Variants in SDK1 observed in about 807,000 individuals in gnomAD.
SDK1 encodes protein sidekick-1.
Under a neutral mutation model 245.5 loss-of-function variants are expected in SDK1, and 157 were observed. That is an observed-to-expected ratio of 0.64 (90% confidence interval 0.56 to 0.73). The LOEUF (loss-of-function observed/expected upper bound fraction) is 0.73, where lower values mean the gene tolerates loss of function less well. Among genes scored for constraint, SDK1 ranks in the 30% least tolerant of loss-of-function variants. The pLI, the probability that SDK1 is intolerant of heterozygous loss-of-function variation, is 0.00. For missense variants in SDK1, 3,583 were observed against 3,002.3 expected (o/e 1.19, Z -4.52); for synonymous variants, 1,647 against 1,278.5 (o/e 1.29, Z -6.15).
At chr7:3,662,451 G>A (rs1783395699) in intron 4 of SDK1, among the ~76,000 whole-genome samples, 1 of 152,166 alleles carries the variant, frequency 6.6e-6, no homozygotes, top group Non-Finnish European at 1.5e-5. Context: ...ACCCATGACT[G>A]TAGACAACTC....
intron 41 of SDK1, 84 bp from the exon 42 acceptor site, chr7:4,237,563 C>A: frequency 6.5e-7 from 1 of 1,529,414 alleles, no homozygotes; most frequent in Non-Finnish European, 9.0e-7. Context: ...CCCCAGCCTT[C>A]CCTGCCAACC....
chr7:3,677,431 G>A (rs1783939715), intron 4 of SDK1, among the ~76,000 whole-genome samples: 1 of 152,204 alleles, frequency 6.6e-6, no homozygotes, highest in Admixed American at 6.5e-5. Context: ...GGCTGAAGGT[G>A]AATGAGGAGC....
intron 38 of SDK1, among the ~76,000 whole-genome samples, chr7:4,215,294 G>C (rs78208397): frequency 0.082 from 12,448 of 152,292 alleles, 520 homozygotes; most frequent in Middle Eastern, 0.13. Context: ...AGGTGGAGGT[G>C]GCAGAGGCGG....
intron 4 of SDK1, among the ~76,000 whole-genome samples, chr7:3,699,215 A>G (rs1361014513): frequency 6.6e-6 from 1 of 152,236 alleles, no homozygotes; most frequent in African/African-American, 2.4e-5. Context: ...CCAGGTTTCT[A>G]GTGAAAATCA....
intron 4 of SDK1, among the ~76,000 whole-genome samples, chr7:3,644,911 G>T (rs1782780409): frequency 6.6e-6 from 1 of 151,866 alleles, no homozygotes; most frequent in Non-Finnish European, 1.5e-5. Flanking sequence ...GATAAATGTT[G>T]GGGGAGAATT....
intron 1 of SDK1, among the ~76,000 whole-genome samples, chr7:3,430,304 G>C (rs898189209): frequency 5.9e-5 from 9 of 152,028 alleles, no homozygotes; most frequent in Admixed American, 3.9e-4. Context: ...GAGGGGAGGG[G>C]ACTGTGTCCT....
At chr7:4,059,175 C>T (rs1433777273) in intron 19 of SDK1, among the ~76,000 whole-genome samples, 3 of 152,034 alleles carry the variant, frequency 2.0e-5, no homozygotes, top group Non-Finnish European at 4.4e-5. Context: ...AAAAACAAAC[C>T]ATGACCCAAC....
intron 4 of SDK1, among the ~76,000 whole-genome samples, chr7:3,768,891 C>T (rs963872127): frequency 1.3e-5 from 2 of 152,010 alleles, no homozygotes; most frequent in African/African-American, 4.8e-5. Context: ...GTAGACTTGC[C>T]GTAGGAACAC....
At chr7:3,330,387 T>C (rs1780038053) in intron 1 of SDK1, among the ~76,000 whole-genome samples, 1 of 152,206 alleles carries the variant, frequency 6.6e-6, no homozygotes, top group African/African-American at 2.4e-5. Context: ...TCCCTAAATT[T>C]TATGTGTTGG....
At chr7:4,081,529 C>G (rs1230626579) in intron 22 of SDK1, among the ~76,000 whole-genome samples, 1 of 151,912 alleles carries the variant, frequency 6.6e-6, no homozygotes, top group Non-Finnish European at 1.5e-5. Flanking sequence ...AAGTGATTCC[C>G]CCTGCCTCAG....
At chr7:3,594,613 C>G (rs1374459414) in intron 1 of SDK1, among the ~76,000 whole-genome samples, 1 of 152,110 alleles carries the variant, frequency 6.6e-6, no homozygotes, top group African/African-American at 2.4e-5. Flanking sequence ...AATTGTTTGT[C>G]TTTTTGATTC....
In SDK1 at chr7:4,017,361, G is replaced by A. The variant is rs1356633994; in HGVS notation, c.2602+9G>A. 2 of 1,598,708 alleles carry A rather than the reference G, an allele frequency of 1.3e-6. No homozygotes were observed. Among genetic ancestry groups the A allele is most frequent in the Non-Finnish European group, 1.7e-6 (2 of 1,170,068 alleles). On this transcript the variant is annotated intron_variant, in intron 17 of 44. Transcript: ENST00000404826. ...GTACACCTTGCAGGGAGGTAAGCTTGTCTCCAAAACCACGAGGTGGCGGGA... is the reference window on the plus strand; with the variant it reads ...GTACACCTTGCAGGGAGGTAAGCTTATCTCCAAAACCACGAGGTGGCGGGA...
At chr7:3,928,153 A>G (rs985929726) in intron 5 of SDK1, among the ~76,000 whole-genome samples, 1 of 152,220 alleles carries the variant, frequency 6.6e-6, no homozygotes, top group African/African-American at 2.4e-5. Flanking sequence ...GGTATAGGAA[A>G]ATTAATAGAA....
intron 4 of SDK1, among the ~76,000 whole-genome samples, chr7:3,803,962 C>T (rs1779176047): frequency 1.3e-5 from 2 of 152,042 alleles, no homozygotes; most frequent in Admixed American, 6.6e-5. Context: ...GACGGGGTTT[C>T]ACCATGTTAG....
intron 1 of SDK1, among the ~76,000 whole-genome samples, chr7:3,468,164 C>G (rs910893134): frequency 6.6e-6 from 1 of 152,070 alleles, no homozygotes; most frequent in Non-Finnish European, 1.5e-5. Flanking sequence ...TTCCTTTAGT[C>G]TTAACTGCAT....
chr7:3,912,076 G>A (rs995586247), intron 5 of SDK1, among the ~76,000 whole-genome samples: 5 of 152,170 alleles, frequency 3.3e-5, no homozygotes, highest in African/African-American at 9.7e-5. Flanking sequence ...GGCCAAGGAA[G>A]TCTGGGAAAC....
At chr7:4,143,294 C>T (rs893740990) in intron 28 of SDK1, among the ~76,000 whole-genome samples, 5 of 152,138 alleles carry the variant, frequency 3.3e-5, no homozygotes, top group African/African-American at 7.2e-5. Context: ...GTGGTCATAC[C>T]GGCCACCACA....
chr7:3,341,513 G>GT (rs1355368591), intron 1 of SDK1, among the ~76,000 whole-genome samples: 1 of 152,070 alleles, frequency 6.6e-6, no homozygotes, highest in Non-Finnish European at 1.5e-5. Flanking sequence ...GACCAAAAAG[G>GT]AGGAGCAAAA....
At chr7:4,197,530 A>G (rs1237526536) in intron 35 of SDK1, among the ~76,000 whole-genome samples, 1 of 152,182 alleles carries the variant, frequency 6.6e-6, no homozygotes, top group East Asian at 1.9e-4. Context: ...ACAAGGAGAA[A>G]AAGAATGGAT....
Sources: gnomAD v4.1 joint callset for allele counts (sites outside exome capture counted in the v4.1 genomes callset) on GRCh38, gnomAD v4.1.1 for gene constraint, MANE v1.5 for transcripts, NCBI Gene and HGNC (gene_info 2026-07-23, HGNC 2026-07-21) for gene names.